The following CSMD1 variants were observed in gnomAD, a reference collection of about 807,000 sequenced individuals.
CSMD1 encodes the protein CUB and sushi domain-containing protein 1.
CSMD1 carries 213 observed loss-of-function variants against 417.5 expected under a neutral mutation model. The ratio of observed to expected loss-of-function variants is 0.51; its 90% CI spans 0.46 to 0.57. CSMD1 has a LOEUF of 0.57. Ranked by LOEUF, CSMD1 falls within the 20% of genes least tolerant of loss-of-function variation. The pLI is 0.00. For synonymous variants in CSMD1, 2,862 were observed against 1,736.8 expected, an observed-to-expected ratio of 1.65 and a Z score of -16.11; for missense variants, 6,923 against 4,529.7, an observed-to-expected ratio of 1.53 and a Z score of -15.17.
chr8:2,997,901 G>A, intron 54 of CSMD1, 110 bp downstream of exon 54: 3 of 1,024,210 alleles, frequency 2.9e-6, no homozygotes, highest in Non-Finnish European at 4.1e-6. Flanking sequence ...AGAGTTTGCA[G>A]AACTCTTTAT....
chr8:3,893,166 G>T (rs79750572), intron 5 of CSMD1, among the ~76,000 whole-genome samples: 1 of 151,414 alleles, frequency 6.6e-6, no homozygotes, highest in Non-Finnish European at 1.5e-5. Context: ...AGCCAAAGCT[G>T]CAGTGAAAAA....
chr8:3,710,514 G>C lies in CSMD1; in HGVS notation c.932-2023C>G, dbSNP rs996159573. ...CTTTTCAAATCACTGACATTCAGAG[G>C]GCTGGGCTTAGGTGGACAATTGCCC... is the stretch of plus-strand genomic sequence containing the variant. On this transcript the variant is annotated intron_variant, in intron 6 of 69. Transcript: ENST00000635120. Among the ~76,000 whole-genome samples, 4 of 152,104 alleles carry C rather than the reference G, an allele frequency of 2.6e-5. 1 individual carries two copies. The highest frequency in any genetic ancestry group is 9.7e-5 in the African/African-American group (4 of 41,406).
intron 2 of CSMD1, among the ~76,000 whole-genome samples, chr8:4,474,513 T>A (rs1800696738): frequency 1.3e-5 from 2 of 152,310 alleles, no homozygotes; most frequent in South Asian, 4.1e-4. Flanking sequence ...GAGAGCAGAT[T>A]AGTACAAACT....
chr8:3,241,484 C>T (rs1388417657), intron 26 of CSMD1, among the ~76,000 whole-genome samples: 1 of 152,182 alleles, frequency 6.6e-6, no homozygotes, highest in Admixed American at 6.5e-5. Context: ...CAGTCTTCAG[C>T]CACTAAGCCG....
chr8:4,056,672 C>A (rs560765542), intron 3 of CSMD1, among the ~76,000 whole-genome samples: 43 of 152,098 alleles, frequency 2.8e-4, no homozygotes, highest in Middle Eastern at 3.4e-3. Context: ...TCTCCTCATG[C>A]TATCCCTCCC....
chr8:4,080,958 A>G (rs1044603733), intron 3 of CSMD1, among the ~76,000 whole-genome samples: 1 of 152,118 alleles, frequency 6.6e-6, no homozygotes. Flanking sequence ...ACCCTCCTGA[A>G]TCAAATTAAT....
At chr8:4,409,310 T>C (rs1180196638) in intron 3 of CSMD1, among the ~76,000 whole-genome samples, 1 of 152,224 alleles carries the variant, frequency 6.6e-6, no homozygotes, top group Admixed American at 6.5e-5. Context: ...TATGTGTTTT[T>C]TCTTCTCTTA....
chr8:3,120,703 C>CGGGGGG (rs145611759), intron 41 of CSMD1, among the ~76,000 whole-genome samples: 1 of 138,292 alleles, frequency 7.2e-6, no homozygotes, highest in African/African-American at 3.1e-5. Flanking sequence ...AAAAATTAGC[C>CGGGGGG]AGGGGGGGTG....
chr8:3,562,815 G>C (rs1474110355), intron 10 of CSMD1, among the ~76,000 whole-genome samples: 1 of 151,772 alleles, frequency 6.6e-6, no homozygotes, highest in Non-Finnish European at 1.5e-5. Context: ...AACAACTAAG[G>C]CGCACTAGGC....
intron 3 of CSMD1, among the ~76,000 whole-genome samples, chr8:4,145,838 C>G (rs1307277063): frequency 1.3e-5 from 2 of 151,142 alleles, no homozygotes; most frequent in Admixed American, 1.3e-4. Context: ...TTCCAGGAAG[C>G]AGAGCCGTTC....
Position 4,891,529 on chromosome 8 carries a change from T to G in CSMD1, c.85+102803A>C, listed in dbSNP as rs190070541. On this transcript the variant is annotated intron_variant, in intron 1 of 69. Transcript: ENST00000635120. ...ACAATAGTGTTTTATACTAAAAATA[T>G]TTTTATAGGGAGTTTGCCTTGAAAT... Among the ~76,000 whole-genome samples the G allele has an allele frequency of 1.0e-3, 152 of 152,216 alleles. 2 individuals are homozygous for G. The highest frequency in any genetic ancestry group is 3.2e-3 in the African/African-American group (131 of 41,484).
Position 3,219,250 on chromosome 8 carries a change from A to G in CSMD1, c.4672+5T>C. On this transcript the variant is annotated splice_donor_5th_base_variant and intron_variant, in intron 29 of 69. Coordinates refer to ENST00000635120, the MANE Select transcript of CSMD1 (RefSeq NM_033225.6). Reference sequence around the variant, plus strand: ...TTCCCACTCAAATTCAGGCAATCGCAATACCTTTAAATTCAATGGCGAACC... The same window carrying G: ...TTCCCACTCAAATTCAGGCAATCGCGATACCTTTAAATTCAATGGCGAACC... 4.4e-6 allele frequency: 7 copies of G among 1,582,968 alleles called. No homozygotes were observed. The highest frequency in any genetic ancestry group is 6.0e-6 in the Non-Finnish European group (7 of 1,163,424).
At chr8:3,983,286 A>T (rs965666340) in intron 5 of CSMD1, among the ~76,000 whole-genome samples, 2 of 151,456 alleles carry the variant, frequency 1.3e-5, no homozygotes, top group African/African-American at 2.4e-5. Flanking sequence ...GCCCACCACC[A>T]CGCCCGGCTA....
intron 25 of CSMD1, among the ~76,000 whole-genome samples, chr8:3,302,780 C>G (rs1046303502): frequency 5.3e-5 from 8 of 152,278 alleles, no homozygotes; most frequent in Middle Eastern, 3.4e-3. Context: ...CATGCACTTT[C>G]TCACAGTTTA....
intron 50 of CSMD1, among the ~76,000 whole-genome samples, chr8:3,044,969 T>C (rs374007484): frequency 1.3e-5 from 2 of 152,322 alleles, no homozygotes; most frequent in Admixed American, 6.5e-5. Context: ...GGTAAAGTTT[T>C]ATGCTTACTC....
At chr8:4,792,356 A>G (rs1235433948) in intron 1 of CSMD1, among the ~76,000 whole-genome samples, 1 of 152,220 alleles carries the variant, frequency 6.6e-6, no homozygotes, top group Non-Finnish European at 1.5e-5. Flanking sequence ...AATTTGCTTT[A>G]AAAAATAAAA....
At chr8:4,242,528 C>G (rs970397951) in intron 3 of CSMD1, among the ~76,000 whole-genome samples, 4 of 152,186 alleles carry the variant, frequency 2.6e-5, no homozygotes, top group African/African-American at 9.7e-5. Context: ...TAAAAATGTT[C>G]TTAACTAGTC....
chr8:4,935,006 T>A (rs1807512665), intron 1 of CSMD1, among the ~76,000 whole-genome samples: 1 of 152,236 alleles, frequency 6.6e-6, no homozygotes, highest in Non-Finnish European at 1.5e-5. Context: ...ATCATCTATC[T>A]ATACATATCT....
At chr8:3,648,133 C>G (rs1398493082) in intron 7 of CSMD1, among the ~76,000 whole-genome samples, 1 of 152,210 alleles carries the variant, frequency 6.6e-6, no homozygotes, top group East Asian at 1.9e-4. Context: ...TACCACTTTA[C>G]TATGGCCCCA....
Sources: gnomAD v4.1 joint callset for allele counts (sites outside exome capture counted in the v4.1 genomes callset) on GRCh38, gnomAD v4.1.1 for gene constraint, MANE v1.5 for transcripts, NCBI Gene and HGNC (gene_info 2026-07-23, HGNC 2026-07-21) for gene names.